The following SERGEF variants were observed in gnomAD, a reference collection of about 807,000 sequenced individuals.
SERGEF encodes the protein secretion regulating guanine nucleotide exchange factor.
In SERGEF, 51 loss-of-function variants were observed where a neutral mutation model predicts 50.0. The observed-to-expected ratio is 1.02, with a 90% CI of 0.81 to 1.29. The LOEUF is 1.29. Among genes scored for constraint, SERGEF ranks in the 50% most tolerant of loss-of-function variants. The pLI is 0.00. For missense variants in SERGEF, 521 were observed against 557.0 expected (o/e 0.94, Z 0.65); for synonymous variants, 205 against 212.4 (o/e 0.97, Z 0.30).
chr11:18,012,957 G>A lies in SERGEF; in HGVS notation c.54C>T (p.Phe18=), dbSNP rs1854231316. 1 of 1,486,750 alleles carries A rather than the reference G, an allele frequency of 6.7e-7. No individual in the cohort carries two copies. Among genetic ancestry groups the A allele is most frequent in the Non-Finnish European group, 8.9e-7 (1 of 1,127,900 alleles). 92.1% of individuals were successfully genotyped at this position (1,486,750 alleles called of 1,614,324 possible). A position where few individuals can be genotyped will look rare whatever the true frequency, so the allele number is the denominator to read the frequency against. ...CGGGGGCGGAGTCACGTACCCAGGC[G>A]AAGAGCGCGGCCGCCGCGGGGGCGG... ...SEAAPAAAAL[F]AWGANSYGQL... is the part of the protein sequence containing the mutation. The change falls in exon 1 of 11, where the codon TTC becomes TTT. Residue 18 remains phenylalanine, a synonymous_variant. Transcript: ENST00000265965.
intron 9 of SERGEF, among the ~76,000 whole-genome samples, chr11:17,958,860 T>TTTTTTG (rs1852932183): frequency 6.6e-6 from 1 of 152,090 alleles, no homozygotes; most frequent in South Asian, 2.1e-4. Context: ...TTTTGTTGTT[T>TTTTTTG]TTTTTGTTTT....
chr11:17,960,488 C>T (rs1852974177), intron 8 of SERGEF, among the ~76,000 whole-genome samples: 1 of 152,126 alleles, frequency 6.6e-6, no homozygotes, highest in South Asian at 2.1e-4. Context: ...AGATTCTCTG[C>T]AATAAATATG....
intron 9 of SERGEF, among the ~76,000 whole-genome samples, chr11:17,941,435 T>A (rs1433600755): frequency 6.6e-6 from 1 of 152,220 alleles, no homozygotes; most frequent in Non-Finnish European, 1.5e-5. Context: ...TCCTCAAGGT[T>A]CATCTATGTT....
intron 10 of SERGEF, among the ~76,000 whole-genome samples, chr11:17,859,227 TA>T (rs1850881820): frequency 6.6e-6 from 1 of 152,172 alleles, no homozygotes; most frequent in Non-Finnish European, 1.5e-5. Flanking sequence ...TTAAACTCTA[TA>T]ATTAATATCC....
chr11:17,997,751 T>G (rs1011008574), intron 5 of SERGEF, among the ~76,000 whole-genome samples: 1 of 152,216 alleles, frequency 6.6e-6, no homozygotes, highest in Non-Finnish European at 1.5e-5. Flanking sequence ...GAGGACATCA[T>G]GCTAAGTGAA....
intron 10 of SERGEF, among the ~76,000 whole-genome samples, chr11:17,850,866 T>C (rs1378754060): frequency 6.6e-6 from 1 of 152,136 alleles, no homozygotes; most frequent in Non-Finnish European, 1.5e-5. Flanking sequence ...GGGGGGCAAT[T>C]GTAAATGGGC....
At chr11:17,976,457 A>ATT (rs67114053) in intron 8 of SERGEF, among the ~76,000 whole-genome samples, 3 of 99,006 alleles carry the variant, frequency 3.0e-5, no homozygotes, top group African/African-American at 1.2e-4. Context: ...GCTAATTTTC[A>ATT]TTTTTTTTTT....
chr11:17,950,439 A>C (rs1196745118), intron 9 of SERGEF, among the ~76,000 whole-genome samples: 3 of 152,212 alleles, frequency 2.0e-5, no homozygotes, highest in Admixed American at 6.5e-5. Context: ...TATGGGAATA[A>C]ATGTTTTCTG....
intron 9 of SERGEF, among the ~76,000 whole-genome samples, chr11:17,944,715 T>C (rs1244304332): frequency 6.6e-6 from 1 of 152,190 alleles, no homozygotes; most frequent in Non-Finnish European, 1.5e-5. Context: ...TGAGCACAGA[T>C]CCCGCATGAA....
chr11:17,883,357 G>A (rs1441328726), intron 9 of SERGEF, among the ~76,000 whole-genome samples: 1 of 152,226 alleles, frequency 6.6e-6, no homozygotes, highest in Non-Finnish European at 1.5e-5. Context: ...CTTGCCAACT[G>A]TTGGATGTGA....
intron 4 of SERGEF, among the ~76,000 whole-genome samples, chr11:18,003,984 A>G (rs1590247279): frequency 6.6e-6 from 1 of 152,310 alleles, no homozygotes; most frequent in Middle Eastern, 3.4e-3. Flanking sequence ...TTTAAAAATT[A>G]CTTTCACCTG....
At chr11:17,838,477 T>G (rs1177917164) in intron 10 of SERGEF, among the ~76,000 whole-genome samples, 1 of 152,072 alleles carries the variant, frequency 6.6e-6, no homozygotes, top group African/African-American at 2.4e-5. Context: ...GAGGAGGAAC[T>G]AGGGAAAGGA....
At chr11:17,891,033 C>G (rs1318217572) in intron 9 of SERGEF, among the ~76,000 whole-genome samples, 4 of 152,074 alleles carry the variant, frequency 2.6e-5, no homozygotes, top group African/African-American at 9.7e-5. Context: ...TGTGGTTTAC[C>G]AAGGAATATG....
Position 17,998,831 on chromosome 11 carries a change from GA to G in SERGEF, c.508+1665del, listed in dbSNP as rs141697385. 1.9e-3 allele frequency among the ~76,000 whole-genome samples: 270 copies of G among 143,028 alleles called. 1 individual carries two copies. The highest frequency in any genetic ancestry group is 5.2e-3 in the African/African-American group (205 of 39,146). 93.8% of individuals were successfully genotyped at this position (143,028 alleles called of 152,430 possible). A position where few individuals can be genotyped will look rare whatever the true frequency, so the allele number is the denominator to read the frequency against. On this transcript the variant is annotated intron_variant, in intron 5 of 10. Coordinates refer to ENST00000265965, the MANE Select transcript of SERGEF (RefSeq NM_012139.4). ...AAGAAGGTGGTCACCTACAGGCCAG[GA>G]AAAAAAAAAAAACTCACGAGAAACC...
chr11:17,791,841 A>C (rs1481774148), intron 10 of SERGEF, among the ~76,000 whole-genome samples: 3 of 152,224 alleles, frequency 2.0e-5, no homozygotes, highest in Non-Finnish European at 4.4e-5. Flanking sequence ...AGTACTACAT[A>C]AATGTTTGTT....
intron 7 of SERGEF, among the ~76,000 whole-genome samples, chr11:17,989,239 C>T (rs1002370789): frequency 2.0e-5 from 3 of 152,164 alleles, no homozygotes; most frequent in South Asian, 2.1e-4. Flanking sequence ...GCTATAGAAT[C>T]GCATCTGGAT....
At chr11:17,811,417 G>A (rs116942864) in intron 10 of SERGEF, among the ~76,000 whole-genome samples, 185 of 152,324 alleles carry the variant, frequency 1.2e-3, no homozygotes, top group Non-Finnish European at 2.1e-3. Context: ...TGTGATGCAG[G>A]TTTAGAGAAA....
chr11:17,952,198 A>G (rs1207197389), intron 9 of SERGEF, among the ~76,000 whole-genome samples: 4 of 152,200 alleles, frequency 2.6e-5, no homozygotes, highest in Non-Finnish European at 5.9e-5. Flanking sequence ...AATAAATACC[A>G]CATTGCAGTA....
chr11:17,906,557 G>A (rs1343349568), intron 9 of SERGEF, among the ~76,000 whole-genome samples: 1 of 152,180 alleles, frequency 6.6e-6, no homozygotes, highest in African/African-American at 2.4e-5. Context: ...CTAGGAGACA[G>A]TGCCATGCTG....
Sources: allele counts gnomAD v4.1 joint callset (sites outside exome capture counted in the v4.1 genomes callset), GRCh38; gene constraint gnomAD v4.1.1; transcripts MANE v1.5; gene names NCBI Gene and HGNC (gene_info 2026-07-23, HGNC 2026-07-21).